The following UNC13C variants were observed in gnomAD, a reference collection of about 807,000 sequenced individuals.
The protein encoded by UNC13C is unc-13 homolog C, also known as protein unc-13 homolog C.
UNC13C carries 174 observed loss-of-function variants against 245.4 expected under a neutral mutation model. That is an observed-to-expected ratio of 0.71 (90% CI 0.63 to 0.80). The LOEUF (loss-of-function observed/expected upper bound fraction) is 0.80. Ranked by LOEUF, UNC13C falls within the 30% of genes least tolerant of loss-of-function variation. UNC13C has a pLI of 0.00. For synonymous variants in UNC13C, 992 were observed against 895.1 expected (o/e 1.11, Z -1.93); for missense variants, 2,829 against 2,602.9 (o/e 1.09, Z -1.89).
At chr15:54,252,055 A>T (rs1187306833) in intron 8 of UNC13C, among the ~76,000 whole-genome samples, 1 of 152,196 alleles carries the variant, frequency 6.6e-6, no homozygotes, top group Non-Finnish European at 1.5e-5. Flanking sequence ...TTACATGCAA[A>T]ATCTCATAAT....
chr15:54,103,567 TCTA>T (rs1900275742), intron 2 of UNC13C, among the ~76,000 whole-genome samples: 1 of 152,206 alleles, frequency 6.6e-6, no homozygotes, highest in African/African-American at 2.4e-5. Flanking sequence ...ACACAATCCT[TCTA>T]CTAAATTGTC....
intron 30 of UNC13C, among the ~76,000 whole-genome samples, chr15:54,581,185 G>A (rs1162442887): frequency 6.6e-6 from 1 of 152,140 alleles, no homozygotes; most frequent in African/African-American, 2.4e-5. Context: ...GAAGATGTAT[G>A]GTTCAAAGTG....
chr15:54,086,393 A>T (rs564356717), intron 2 of UNC13C, among the ~76,000 whole-genome samples: 2 of 152,326 alleles, frequency 1.3e-5, no homozygotes, highest in East Asian at 3.9e-4. Flanking sequence ...AGATCTCAGA[A>T]ATTATGTTCC....
chr15:54,597,270 A>G (rs1166839830), intron 30 of UNC13C, among the ~76,000 whole-genome samples: 1 of 152,148 alleles, frequency 6.6e-6, no homozygotes, highest in Non-Finnish European at 1.5e-5. Flanking sequence ...ATCATTCCAC[A>G]GCCTGGGGGT....
chr15:54,370,214 A>C (rs1442111037), intron 17 of UNC13C, among the ~76,000 whole-genome samples: 1 of 152,148 alleles, frequency 6.6e-6, no homozygotes, highest in African/African-American at 2.4e-5. Flanking sequence ...GCAAGCGTCA[A>C]ATTGTACAGA....
chr15:54,546,725 A>T lies in UNC13C; in HGVS notation c.5700A>T (p.Leu1900Phe). The T allele has an allele frequency of 6.7e-7, 1 of 1,490,956 alleles. No homozygotes were observed. The highest frequency in any genetic ancestry group is 8.9e-7 in the Non-Finnish European group (1 of 1,119,152). 92.4% of individuals were successfully genotyped at this position (1,490,956 alleles called of 1,614,324 possible). Residue 1900 changes from leucine to phenylalanine, a missense_variant, in exon 27 of 33, where the codon TTA becomes TTT. Coordinates refer to ENST00000260323, the MANE Select transcript of UNC13C (RefSeq NM_001080534.3). ...TATATATATATTTTTTTTTCAGATTAAGTCTCTCAGCAAAAATCTGTGAGA... is the reference window on the plus strand; with the variant it reads ...TATATATATATTTTTTTTTCAGATTTAGTCTCTCAGCAAAAATCTGTGAGA... ...RSLMDFLDKT[L>F]SLSAKICEKT...
the UNC13C span, among the ~76,000 whole-genome samples, chr15:53,923,213 A>G: frequency 2.0e-5 from 3 of 152,244 alleles, no homozygotes; most frequent in Non-Finnish European, 4.4e-5. Context: ...AAACAATCAC[A>G]TCTAAAGCCC....
intron 29 of UNC13C, among the ~76,000 whole-genome samples, chr15:54,558,086 G>A (rs62022756): frequency 0.061 from 9,266 of 151,868 alleles, 387 homozygotes; most frequent in Admixed American, 0.13. Flanking sequence ...GGAACATCAC[G>A]CTCTGGGGAC....
intron 4 of UNC13C, among the ~76,000 whole-genome samples, chr15:54,171,373 A>G (rs1356740505): frequency 6.6e-6 from 1 of 152,208 alleles, no homozygotes; most frequent in African/African-American, 2.4e-5. Flanking sequence ...ATTAATAGCC[A>G]GAATATACAA....
intron 19 of UNC13C, among the ~76,000 whole-genome samples, chr15:54,434,240 T>G (rs940073913): frequency 1.4e-4 from 22 of 151,938 alleles, no homozygotes; most frequent in African/African-American, 5.1e-4. Flanking sequence ...TACCTTAAAT[T>G]TCATATGGAA....
At chr15:54,606,314 A>G (rs1193538814) in intron 30 of UNC13C, among the ~76,000 whole-genome samples, 2 of 152,232 alleles carry the variant, frequency 1.3e-5, no homozygotes, top group African/African-American at 2.4e-5. Context: ...AAGCTTTGCA[A>G]GATTTCACAA....
intron 2 of UNC13C, among the ~76,000 whole-genome samples, chr15:54,070,795 G>A (rs1447696974): frequency 6.6e-6 from 1 of 152,082 alleles, no homozygotes; most frequent in Non-Finnish European, 1.5e-5. Flanking sequence ...GATAAGGAAA[G>A]TGAAATCCAG....
chr15:53,929,145 A>G, the UNC13C span, among the ~76,000 whole-genome samples: 1 of 152,192 alleles, frequency 6.6e-6, no homozygotes, highest in Non-Finnish European at 1.5e-5. Context: ...GCGAAGGCAC[A>G]TCTTACATGG....
At chr15:54,120,704 G>A (rs1260591819) in intron 2 of UNC13C, among the ~76,000 whole-genome samples, 1 of 151,896 alleles carries the variant, frequency 6.6e-6, no homozygotes, top group Admixed American at 6.6e-5. Flanking sequence ...ATGTCATTAA[G>A]GCCATTTGTG....
the UNC13C span, among the ~76,000 whole-genome samples, chr15:53,878,527 G>A: frequency 6.6e-6 from 1 of 152,120 alleles, no homozygotes; most frequent in Non-Finnish European, 1.5e-5. Flanking sequence ...TCTCTGCATG[G>A]CCATAAGGGC....
At chr15:54,154,843 C>T (rs563123600) in intron 4 of UNC13C, among the ~76,000 whole-genome samples, 6 of 152,210 alleles carry the variant, frequency 3.9e-5, no homozygotes, top group African/African-American at 7.2e-5. Flanking sequence ...TTGGACAGAA[C>T]GTGGATCATT....
chr15:54,456,853 ATTCGGATGCCC>A (rs1309999038), intron 19 of UNC13C, among the ~76,000 whole-genome samples: 1 of 152,024 alleles, frequency 6.6e-6, no homozygotes, highest in Non-Finnish European at 1.5e-5. Context: ...CTCTTTACTG[ATTCGGATGCCC>A]TTCATTACTT....
At chr15:54,016,302 C>G (rs893655104) in intron 2 of UNC13C, among the ~76,000 whole-genome samples, 6 of 152,048 alleles carry the variant, frequency 3.9e-5, no homozygotes, top group African/African-American at 1.5e-4. Context: ...AAGGTGTAAT[C>G]TTAAAAAAAA....
chr15:53,921,867 C>G, the UNC13C span, among the ~76,000 whole-genome samples: 150,173 of 152,318 alleles, frequency 0.99, 74,068 homozygotes, highest in Middle Eastern at 1. Context: ...AGGGTCATTT[C>G]ATTTAAATGG....
Sources: gnomAD v4.1 joint callset for allele counts (sites outside exome capture counted in the v4.1 genomes callset) on GRCh38, gnomAD v4.1.1 for gene constraint, MANE v1.5 for transcripts, NCBI Gene and HGNC (gene_info 2026-07-23, HGNC 2026-07-21) for gene names.